MNS1: variants seen among roughly 807,000 people sequenced by gnomAD.
MNS1 encodes meiosis-specific nuclear structural protein 1.
MNS1 carries 63 observed loss-of-function variants against 72.0 expected under a neutral mutation model. That is an observed-to-expected ratio of 0.87 (90% CI 0.71 to 1.08). MNS1 has a LOEUF of 1.08. Ranked by LOEUF, MNS1 falls within the 50% of genes least tolerant of loss-of-function variation. The probability of loss-of-function intolerance (pLI) is 0.00; values close to 1 mark genes in which losing one functional copy is unlikely to be tolerated. For synonymous variants in MNS1, 188 were observed against 172.1 expected, an observed-to-expected ratio of 1.09 and a Z score of -0.72; for missense variants, 604 against 562.4, an observed-to-expected ratio of 1.07 and a Z score of -0.75.
intron 7 of MNS1, among the ~76,000 whole-genome samples, chr15:56,436,173 G>A (rs573086130): frequency 1.7e-4 from 26 of 152,054 alleles, no homozygotes; most frequent in East Asian, 1.5e-3. Flanking sequence ...GCACCACACC[G>A]CACTTATTCC....
At chr15:56,443,982 G>C in intron 5 of MNS1, 128 bp from the exon 6 acceptor site, 1 of 727,438 alleles carries the variant, frequency 1.4e-6, no homozygotes, top group Non-Finnish European at 2.1e-6. Context: ...CAAACATTTT[G>C]AATGCTTACT....
At chr15:56,430,707 A>G (rs1357477457) in intron 9 of MNS1, among the ~76,000 whole-genome samples, 2 of 151,900 alleles carry the variant, frequency 1.3e-5, no homozygotes, top group East Asian at 3.9e-4. Context: ...TTGGCATGTA[A>G]GTACTACAGT....
chr15:56,458,773 A>G (rs1481135960), intron 2 of MNS1, among the ~76,000 whole-genome samples: 1 of 151,978 alleles, frequency 6.6e-6, no homozygotes, highest in Non-Finnish European at 1.5e-5. Context: ...ACATCTTTTC[A>G]TGGCTTCATA....
chr15:56,439,153 A>C (rs1423446301), intron 7 of MNS1, among the ~76,000 whole-genome samples: 2 of 152,194 alleles, frequency 1.3e-5, no homozygotes, highest in African/African-American at 4.8e-5. Context: ...CACGGACACC[A>C]AAATAAAAGC....
chr15:56,453,488 G>T (rs1384760885), intron 3 of MNS1, among the ~76,000 whole-genome samples: 2 of 152,084 alleles, frequency 1.3e-5, no homozygotes, highest in Non-Finnish European at 2.9e-5. Flanking sequence ...GTATAAGCTA[G>T]GTAATGGTAA....
At chr15:56,444,418 A>G (rs1297901951) in intron 5 of MNS1, 26 bp downstream of exon 5, 1 of 1,575,214 alleles carries the variant, frequency 6.3e-7, no homozygotes, top group East Asian at 2.2e-5. Flanking sequence ...ACATTTAGAC[A>G]TGTAAGAAAG....
At chr15:56,429,741 TTAAA>T (rs2050517976) in intron 9 of MNS1, 1 of 152,198 alleles carries the variant, frequency 6.6e-6, no homozygotes, top group African/African-American at 2.4e-5. Flanking sequence ...TAAAACAAAA[TTAAA>T]TATTTACTTA....
intron 7 of MNS1, among the ~76,000 whole-genome samples, chr15:56,443,199 T>G (rs74724695): frequency 1.3e-5 from 2 of 152,174 alleles, no homozygotes; most frequent in Admixed American, 1.3e-4. Context: ...TTTTAAATTG[T>G]GATTACAGAC....
intron 7 of MNS1, among the ~76,000 whole-genome samples, chr15:56,441,831 G>A (rs61288444): frequency 0.28 from 42,877 of 151,742 alleles, 6,807 homozygotes; most frequent in Middle Eastern, 0.46. Flanking sequence ...TGGCTAACAC[G>A]GTGAAACCCC....
intron 4 of MNS1, 145 bp downstream of exon 4, chr15:56,446,696 A>G (rs1390294002): frequency 4.9e-6 from 3 of 606,772 alleles, no homozygotes; most frequent in African/African-American, 1.9e-5. Context: ...AGGATTTTCT[A>G]CATCTTAAGG....
At position 56,464,213 on chromosome 15, in the gene MNS1, C is replaced by G. The variant is rs1454863822; in HGVS notation, c.38G>C (p.Arg13Thr). The G allele has an allele frequency of 2.5e-6, 4 of 1,612,484 alleles. No individual in the cohort carries two copies. Among genetic ancestry groups the G allele is most frequent in the Non-Finnish European group, 3.4e-6 (4 of 1,179,656 alleles). ...SKRRNLSCSE[R>T]HQKLVDENYC... ...GTTTTCATCTACTAATTTCTGATGC[C>G]TTTCACTACAGCTCAAATTTCTCCT... Residue 13 changes from arginine (R) to threonine (T), a missense_variant, in exon 2 of 10, where the codon AGG becomes ACG. Transcript: ENST00000260453.
At chr15:56,464,411 A>C (rs1381411747) in intron 1 of MNS1, among the ~76,000 whole-genome samples, 164 bp from the exon 2 acceptor site, 1 of 152,238 alleles carries the variant, frequency 6.6e-6, no homozygotes, top group Non-Finnish European at 1.5e-5. Flanking sequence ...AAATATGTTC[A>C]CATATCGATT....
At position 56,429,178 on chromosome 15, in the gene MNS1, CT is replaced by C; in HGVS notation, c.1410del (p.Glu471ArgfsTer32). On this transcript the variant is annotated frameshift_variant, in exon 10 of 10. Transcript: ENST00000260453. LOFTEE classifies it high-confidence loss of function. Reference protein sequence around the residue: ...LGYLPKGVFKKEDDIDLLGEE... With the variant: ...LGYLPKGVFKXEDDIDLLGEE... ...TCACCAAGCAGATCAATATCATCCT[CT>C]TTTTTAAATACTCCCTACGAGAAAA... 1 of 1,592,684 alleles carries C rather than the reference CT, an allele frequency of 6.3e-7. No homozygotes were observed. The highest frequency in any genetic ancestry group is 8.5e-7 in the Non-Finnish European group (1 of 1,170,970).
intron 3 of MNS1, among the ~76,000 whole-genome samples, chr15:56,448,704 A>G (rs1350624514): frequency 6.7e-6 from 1 of 150,332 alleles, no homozygotes; most frequent in East Asian, 1.9e-4. Flanking sequence ...ATATAAATGC[A>G]TATGCTTTTT....
chr15:56,431,639 A>T (rs1452650653), intron 8 of MNS1, 141 bp from the exon 9 acceptor site: 1 of 586,766 alleles, frequency 1.7e-6, no homozygotes, highest in East Asian at 3.8e-5. Context: ...TAGATAATAT[A>T]TATTTTTAAA....
intron 3 of MNS1, among the ~76,000 whole-genome samples, chr15:56,448,233 A>C (rs1166711482): frequency 5.9e-5 from 9 of 152,176 alleles, no homozygotes; most frequent in Non-Finnish European, 4.4e-5. Flanking sequence ...ACTGTCTACT[A>C]AAGTGGTTTT....
intron 7 of MNS1, among the ~76,000 whole-genome samples, chr15:56,438,002 G>C (rs144881839): frequency 0.044 from 6,755 of 152,228 alleles, 227 homozygotes; most frequent in Admixed American, 0.089. Context: ...CATGCTCATG[G>C]ATAGGAAGAA....
intron 2 of MNS1, among the ~76,000 whole-genome samples, chr15:56,459,559 G>A (rs527782690): frequency 6.6e-6 from 1 of 152,256 alleles, no homozygotes; most frequent in Non-Finnish European, 1.5e-5. Context: ...AGCTAAGTTT[G>A]TGGTAATTCG....
chr15:56,464,715 T>G (rs1433816279), intron 1 of MNS1, among the ~76,000 whole-genome samples: 2 of 152,190 alleles, frequency 1.3e-5, no homozygotes, highest in Admixed American at 1.3e-4. Flanking sequence ...CACTTTTATA[T>G]CTACTTATTT....
Sources: gnomAD v4.1 joint callset for allele counts (sites outside exome capture counted in the v4.1 genomes callset) on GRCh38, gnomAD v4.1.1 for gene constraint, MANE v1.5 for transcripts, NCBI Gene and HGNC (gene_info 2026-07-23, HGNC 2026-07-21) for gene names.